The following SMIM41 variants were observed in gnomAD, a reference collection of about 807,000 sequenced individuals.
SMIM41 encodes the protein small integral membrane protein 41.
At chr12:52,085,439 T>C (rs1247561210) in intron 2 of SMIM41, among the ~76,000 whole-genome samples, 1 of 150,448 alleles carries the variant, frequency 6.6e-6, no homozygotes, top group Non-Finnish European at 1.5e-5. Flanking sequence ...GCTCGTGCCA[T>C]GTTTTGTTAG....
intron 2 of SMIM41, among the ~76,000 whole-genome samples, chr12:52,093,855 G>C (rs1940044372): frequency 6.6e-6 from 1 of 152,150 alleles, no homozygotes; most frequent in Non-Finnish European, 1.5e-5. Context: ...GCCGGGTGGG[G>C]CGCGGTGGCT....
intron 2 of SMIM41, among the ~76,000 whole-genome samples, chr12:52,090,156 C>T (rs979731645): frequency 1.4e-4 from 21 of 152,120 alleles, no homozygotes; most frequent in African/African-American, 5.1e-4. Flanking sequence ...CTACAACCTC[C>T]ACCTCCCGGG....
chr12:52,096,678 ATTG>A (rs1264214053), intron 2 of SMIM41, among the ~76,000 whole-genome samples: 2 of 151,798 alleles, frequency 1.3e-5, no homozygotes, highest in Non-Finnish European at 1.5e-5. Context: ...ATATTAATTT[ATTG>A]TTATCGTCAG....
intron 2 of SMIM41, among the ~76,000 whole-genome samples, chr12:52,100,050 C>T (rs1940185550): frequency 6.6e-6 from 1 of 152,134 alleles, no homozygotes; most frequent in South Asian, 2.1e-4. Flanking sequence ...AGGGGGTGTA[C>T]ACACCCTGTG....
intron 2 of SMIM41, among the ~76,000 whole-genome samples, chr12:52,087,972 G>A (rs985966257): frequency 1.3e-5 from 2 of 152,172 alleles, no homozygotes; most frequent in Non-Finnish European, 2.9e-5. Flanking sequence ...GATGAAAATC[G>A]CCACCTCTCG....
chr12:52,093,667 T>C (rs1174071363), intron 2 of SMIM41: 4 of 152,250 alleles, frequency 2.6e-5, no homozygotes, highest in Non-Finnish European at 5.9e-5. Context: ...TATCTTGATA[T>C]GTTTTTATCA....
chr12:52,088,501 C>T (rs924628647), intron 2 of SMIM41, among the ~76,000 whole-genome samples: 12 of 152,284 alleles, frequency 7.9e-5, no homozygotes, highest in East Asian at 1.9e-4. Flanking sequence ...GTTCTTCCCT[C>T]GGGAGCCGTC....
Position 52,097,349 on chromosome 12 carries a change from C to T in SMIM41, c.*196-10030C>T, listed in dbSNP as rs542076560. 7.6e-5 allele frequency among the ~76,000 whole-genome samples: 8 copies of T among 105,518 alleles called. No homozygotes were observed. In the East Asian group the frequency reaches 1.2e-3, roughly 16 times the overall value. 69.2% of individuals were successfully genotyped at this position (105,518 alleles called of 152,430 possible). On this transcript the variant is annotated intron_variant, in intron 2 of 2. Transcript: ENST00000546390. ...CCCCACGATGCGGGGAGAAATATCA[C>T]CCCCCCCCGGATATTACGAGCCACA...
chr12:52,105,813 A>G (rs1337995311), intron 2 of SMIM41, among the ~76,000 whole-genome samples: 1 of 152,182 alleles, frequency 6.6e-6, no homozygotes, highest in Non-Finnish European at 1.5e-5. Context: ...TTGGAAGACC[A>G]TGAAGTATAG....
chr12:52,082,539 ATG>A (rs901953999), intron 1 of SMIM41, among the ~76,000 whole-genome samples: 11 of 152,130 alleles, frequency 7.2e-5, no homozygotes, highest in African/African-American at 2.4e-4. Flanking sequence ...GCAGGAAAGA[ATG>A]TGGAAAATTG....
At chr12:52,105,609 C>T (rs922563646) in intron 2 of SMIM41, among the ~76,000 whole-genome samples, 2 of 152,042 alleles carry the variant, frequency 1.3e-5, no homozygotes, top group African/African-American at 4.8e-5. Flanking sequence ...AAAAATTAGT[C>T]GGGCATAGTG....
intron 2 of SMIM41, among the ~76,000 whole-genome samples, chr12:52,105,510 T>C (rs2120732670): frequency 6.6e-6 from 1 of 152,300 alleles, no homozygotes; most frequent in East Asian, 1.9e-4. Context: ...CCCAGCACTT[T>C]GGGAGGCTGA....
rs1939822164 is a variant in SMIM41, at chr12:52,081,705, T to G, written c.*120+1524T>G. On this transcript the variant is annotated intron_variant, in intron 1 of 2. Transcript: ENST00000546390. The surrounding 1 kb of genome is among the most constrained non-coding windows in gnomAD (Gnocchi z 4.1). ...CCCGGTTTCACCCAGCTGCCTTGCC[T>G]GTCACCCTCTGGCCCCATACTCTCC... Among the ~76,000 whole-genome samples the G allele has an allele frequency of 6.6e-6, 1 of 152,162 alleles. No individual in the cohort carries two copies. The highest frequency in any genetic ancestry group is 1.5e-5 in the Non-Finnish European group (1 of 68,014).
intron 2 of SMIM41, among the ~76,000 whole-genome samples, chr12:52,106,981 T>C (rs1173805636): frequency 1.3e-5 from 2 of 152,236 alleles, no homozygotes; most frequent in Admixed American, 6.5e-5. Flanking sequence ...TTTCTTAAAG[T>C]GAAGAGAATG....
intron 2 of SMIM41, among the ~76,000 whole-genome samples, chr12:52,100,854 T>C (rs914619048): frequency 1.3e-5 from 2 of 152,166 alleles, no homozygotes; most frequent in Non-Finnish European, 2.9e-5. Context: ...CACTTGCATA[T>C]ACATAAAATG....
Position 52,081,878 on chromosome 12 carries a change from G to A in SMIM41, c.*120+1697G>A, listed in dbSNP as rs1021777130. 2.6e-5 allele frequency among the ~76,000 whole-genome samples: 4 copies of A among 152,300 alleles called. No individual in the cohort carries two copies. The highest frequency in any genetic ancestry group is 4.1e-4 in the South Asian group (2 of 4,822). Reference sequence around the variant, plus strand: ...TGATTCCAAGTTCAGGCCCCCTTCTGGCACTTGGGGGCCCCTCTCACTCTG... The same window carrying A: ...TGATTCCAAGTTCAGGCCCCCTTCTAGCACTTGGGGGCCCCTCTCACTCTG... On this transcript the variant is annotated intron_variant, in intron 1 of 2. Transcript: ENST00000546390. The surrounding 1 kb of genome is among the most constrained non-coding windows in gnomAD (Gnocchi z 4.1).
intron 2 of SMIM41, among the ~76,000 whole-genome samples, chr12:52,087,141 C>T (rs1939905615): frequency 6.6e-6 from 1 of 152,240 alleles, no homozygotes; most frequent in African/African-American, 2.4e-5. Flanking sequence ...CTCTCCTCCT[C>T]CTACTTCCCA....
At chr12:52,095,193 G>C (rs546528442) in intron 2 of SMIM41, among the ~76,000 whole-genome samples, 2 of 151,610 alleles carry the variant, frequency 1.3e-5, no homozygotes, top group Admixed American at 1.3e-4. Context: ...AGTGATCCAC[G>C]CTCCTTGGTC....
chr12:52,096,321 C>T (rs948192568), intron 2 of SMIM41, among the ~76,000 whole-genome samples: 1 of 151,808 alleles, frequency 6.6e-6, no homozygotes, highest in Non-Finnish European at 1.5e-5. Context: ...TTGGGAGTAA[C>T]GTCATACTCC....
Sources: allele counts gnomAD v4.1 joint callset (sites outside exome capture counted in the v4.1 genomes callset), GRCh38; gene constraint gnomAD v4.1.1; non-coding constraint Gnocchi (gnomAD v3.1); transcripts MANE v1.5; gene names NCBI Gene and HGNC (gene_info 2026-07-23, HGNC 2026-07-21).